AGAP1: variants seen among roughly 807,000 people sequenced by gnomAD.
AGAP1 encodes ArfGAP with GTPase domain, ankyrin repeat and PH domain 1.
AGAP1 carries 29 observed loss-of-function variants against 105.3 expected under a neutral mutation model. That is an observed-to-expected ratio of 0.28 (90% CI 0.21 to 0.38). AGAP1 has a LOEUF of 0.38. AGAP1 is among the 10% of genes least tolerant of loss of function. The probability of loss-of-function intolerance (pLI) is 1.00; values close to 1 mark genes in which losing one functional copy is unlikely to be tolerated. For synonymous variants in AGAP1, 509 were observed against 485.9 expected, an observed-to-expected ratio of 1.05 and a Z score of -0.63; for missense variants, 998 against 1,165.1, an observed-to-expected ratio of 0.86 and a Z score of 2.09.
chr2:235,831,200 A>C (rs1458028602), intron 9 of AGAP1, among the ~76,000 whole-genome samples: 1 of 151,928 alleles, frequency 6.6e-6, no homozygotes, highest in Non-Finnish European at 1.5e-5. Context: ...AAAAAAAAAA[A>C]AACAGTAAAC....
chr2:235,852,533 G>A (rs1051846851), intron 9 of AGAP1, among the ~76,000 whole-genome samples: 7 of 152,376 alleles, frequency 4.6e-5, no homozygotes, highest in East Asian at 1.9e-4. Flanking sequence ...GTATGTGTGC[G>A]AGAGAAAGTT....
chr2:235,529,687 G>T (rs1279793147), intron 1 of AGAP1, among the ~76,000 whole-genome samples: 1 of 152,226 alleles, frequency 6.6e-6, no homozygotes, highest in East Asian at 1.9e-4. Flanking sequence ...TCCCATGTGA[G>T]GTGCACACAT....
rs578244628 is a variant in AGAP1, at chr2:235,600,144, C to T, written c.163+105295C>T. ...TTACTCAGTAATTACAGGTTCAAGT[C>T]CCTTGTCCAAAATCCAAAAAGCCGA... On this transcript the variant is annotated intron_variant, in intron 1 of 17. Coordinates refer to ENST00000304032, the MANE Select transcript of AGAP1 (RefSeq NM_001037131.3). This position sits in a 1 kb window ranked among gnomAD's most constrained non-coding sequence, Gnocchi z 4.8. Among the ~76,000 whole-genome samples the T allele has an allele frequency of 2.4e-3, 363 of 152,308 alleles. No homozygotes were observed. Among genetic ancestry groups the T allele is most frequent in the Non-Finnish European group, 4.1e-3 (281 of 68,030 alleles).
At chr2:235,840,719 G>A (rs962591511) in intron 9 of AGAP1, among the ~76,000 whole-genome samples, 3 of 152,116 alleles carry the variant, frequency 2.0e-5, no homozygotes, top group African/African-American at 7.2e-5. Context: ...AGAATAGATA[G>A]GACCGATGGA....
chr2:235,778,231 C>T (rs938050433), intron 6 of AGAP1, among the ~76,000 whole-genome samples: 2 of 152,184 alleles, frequency 1.3e-5, no homozygotes, highest in African/African-American at 2.4e-5. Context: ...GTACCTTGTA[C>T]GACCCTTGCC....
chr2:235,935,199 G>A (rs2052929932), intron 12 of AGAP1, among the ~76,000 whole-genome samples: 1 of 152,222 alleles, frequency 6.6e-6, no homozygotes, highest in African/African-American at 2.4e-5. Context: ...TTGCTAACAT[G>A]AGACCTGCAT....
intron 1 of AGAP1, among the ~76,000 whole-genome samples, chr2:235,534,439 C>T (rs1331436574): frequency 6.6e-6 from 1 of 152,160 alleles, no homozygotes; most frequent in African/African-American, 2.4e-5. Flanking sequence ...AATACAGTGG[C>T]ACCTGCATGC....
At chr2:235,722,249 CAG>C (rs1370995197) in intron 3 of AGAP1, among the ~76,000 whole-genome samples, 2 of 152,130 alleles carry the variant, frequency 1.3e-5, no homozygotes, top group Non-Finnish European at 2.9e-5. Flanking sequence ...TGGCTTAAAA[CAG>C]AAATGTATTC....
chr2:236,000,275 G>GT lies in AGAP1; in HGVS notation c.1645+31659dup, dbSNP rs929734567. Among the ~76,000 whole-genome samples the GT allele has an allele frequency of 3.3e-5, 5 of 152,186 alleles. No homozygotes were observed. Among genetic ancestry groups the GT allele is most frequent in the African/African-American group, 1.2e-4 (5 of 41,448 alleles). On this transcript the variant is annotated intron_variant, in intron 13 of 17. Coordinates refer to ENST00000304032, the MANE Select transcript of AGAP1 (RefSeq NM_001037131.3). This position sits in a 1 kb window ranked among gnomAD's most constrained non-coding sequence, Gnocchi z 4.3. ...AGCGAAAGGACTTATAATGAAGCCAGTTTTTTTCCTTATCAGCATCATAAT... is the reference window on the plus strand; with the variant it reads ...AGCGAAAGGACTTATAATGAAGCCAGTTTTTTTTCCTTATCAGCATCATAAT...
chr2:236,113,992 G>A lies in AGAP1; in HGVS notation c.2115-6200G>A, dbSNP rs540737131. On this transcript the variant is annotated intron_variant, in intron 16 of 17. Coordinates refer to ENST00000304032, the MANE Select transcript of AGAP1 (RefSeq NM_001037131.3). This position sits in a 1 kb window ranked among gnomAD's most constrained non-coding sequence, Gnocchi z 4.3. ...GTCAGTGCCTTTCTTCTGATGAGTCGCCCATTCCCTCATTTTCCCTCACTC... is the reference window on the plus strand; with the variant it reads ...GTCAGTGCCTTTCTTCTGATGAGTCACCCATTCCCTCATTTTCCCTCACTC... Among the ~76,000 whole-genome samples the A allele has an allele frequency of 5.8e-4, 88 of 152,100 alleles. No homozygotes were observed. The highest frequency in any genetic ancestry group is 9.0e-4 in the Non-Finnish European group (61 of 68,012).
intron 1 of AGAP1, among the ~76,000 whole-genome samples, chr2:235,617,800 GT>G (rs983251920): frequency 6.6e-6 from 1 of 152,134 alleles, no homozygotes; most frequent in African/African-American, 2.4e-5. Context: ...ATGAGTATTT[GT>G]TTTTTGTTTT....
In AGAP1 at chr2:235,655,290, C is replaced by T. The variant is rs1947736827; in HGVS notation, c.164-53889C>T. On this transcript the variant is annotated intron_variant, in intron 1 of 17. Transcript: ENST00000304032. The surrounding 1 kb of genome is among the most constrained non-coding windows in gnomAD (Gnocchi z 4.3). ...CCATTGGGATATCACAATTTCGTAGCCTGGTATATGCATTCCTTGTGGTGT... is the reference window on the plus strand; with the variant it reads ...CCATTGGGATATCACAATTTCGTAGTCTGGTATATGCATTCCTTGTGGTGT... 6.6e-6 allele frequency among the ~76,000 whole-genome samples: 1 copy of T among 152,128 alleles called. No homozygotes were observed. The highest frequency in any genetic ancestry group is 6.5e-5 in the Admixed American group (1 of 15,270).
intron 1 of AGAP1, among the ~76,000 whole-genome samples, chr2:235,693,520 G>C (rs1179585379): frequency 6.6e-6 from 1 of 152,156 alleles, no homozygotes; most frequent in Non-Finnish European, 1.5e-5. Flanking sequence ...GGACAGGCTG[G>C]TGCCCACCAC....
In AGAP1 at chr2:235,945,104, C is replaced by A. The variant is rs192849612; in HGVS notation, c.1483+14181C>A. On this transcript the variant is annotated intron_variant, in intron 12 of 17. Coordinates refer to ENST00000304032, the MANE Select transcript of AGAP1 (RefSeq NM_001037131.3). ...TGTGAAGCTTTTCATTTTTAAAATT[C>A]TTTTTTGTTTTTTTGAGACGGAGTC... 2.6e-5 allele frequency among the ~76,000 whole-genome samples: 4 copies of A among 152,142 alleles called. No homozygotes were observed. The East Asian group carries it at 7.7e-4, about 29-fold the overall frequency.
At chr2:235,969,817 C>T in intron 13 of AGAP1, among the ~76,000 whole-genome samples, 1 of 152,190 alleles carries the variant, frequency 6.6e-6, no homozygotes, top group Non-Finnish European at 1.5e-5. Context: ...GCCCGCCAGC[C>T]TCCGCAGAAG....
rs187172699 is a variant in AGAP1 at position 236,115,516 on chromosome 2, C to T, written c.2115-4676C>T. On this transcript the variant is annotated intron_variant, in intron 16 of 17. Transcript: ENST00000304032. ...TGGGCATTGCAGAAAGTACAGGGAG[C>T]TAAGCTTTCCCCCTGGTATCTGGAT... 9.2e-3 allele frequency among the ~76,000 whole-genome samples: 1,398 copies of T among 152,302 alleles called. 12 individuals carry two copies. The highest frequency in any genetic ancestry group is 0.015 in the South Asian group (74 of 4,814).
chr2:235,549,492 C>A lies in AGAP1; in HGVS notation c.163+54643C>A, dbSNP rs1282102116. ...TGAGACCCTCGCTTCCAGCCTGTGC[C>A]TTTAGCCCAGCCTTGCTGTTCTAGA... On this transcript the variant is annotated intron_variant, in intron 1 of 17. Transcript: ENST00000304032. This position sits in a 1 kb window ranked among gnomAD's most constrained non-coding sequence, Gnocchi z 4.2. Among the ~76,000 whole-genome samples the A allele has an allele frequency of 6.6e-6, 1 of 152,196 alleles. No homozygotes were observed. The highest frequency in any genetic ancestry group is 2.4e-5 in the African/African-American group (1 of 41,448).
intron 1 of AGAP1, among the ~76,000 whole-genome samples, chr2:235,618,182 T>A (rs1167242258): frequency 6.6e-6 from 1 of 152,158 alleles, no homozygotes; most frequent in Non-Finnish European, 1.5e-5. Context: ...ACCCATGATA[T>A]CCATGAGTTA....
intron 1 of AGAP1, among the ~76,000 whole-genome samples, chr2:235,502,018 TG>T (rs1158058009): frequency 6.6e-6 from 1 of 152,294 alleles, no homozygotes; most frequent in East Asian, 1.9e-4. Context: ...AAGTGCTTTG[TG>T]TGTGCTGCGG....
Sources: gnomAD v4.1 joint callset for allele counts (sites outside exome capture counted in the v4.1 genomes callset) on GRCh38, gnomAD v4.1.1 for gene constraint, Gnocchi (gnomAD v3.1) non-coding constraint, MANE v1.5 for transcripts, NCBI Gene and HGNC (gene_info 2026-07-23, HGNC 2026-07-21) for gene names.